PRKCH: variants seen among roughly 807,000 people sequenced by gnomAD.
PRKCH encodes the protein protein kinase C eta, also known as protein kinase C eta type.
PRKCH carries 28 observed loss-of-function variants against 82.5 expected under a neutral mutation model. The ratio of observed to expected loss-of-function variants is 0.34; its 90% CI spans 0.25 to 0.47. The LOEUF (loss-of-function observed/expected upper bound fraction) is 0.47. Ranked by LOEUF, PRKCH falls within the 20% of genes least tolerant of loss-of-function variation. The pLI, the probability that PRKCH is intolerant of heterozygous loss-of-function variation, is 1.00. For synonymous variants in PRKCH, 322 were observed against 327.4 expected (o/e 0.98, Z 0.18); for missense variants, 705 against 881.8 (o/e 0.80, Z 2.54).
At chr14:61,477,436 G>A (rs1441689278) in intron 9 of PRKCH, among the ~76,000 whole-genome samples, 2 of 152,174 alleles carry the variant, frequency 1.3e-5, no homozygotes, top group African/African-American at 2.4e-5. Flanking sequence ...TTCAAATGCA[G>A]TCTTTAAATC....
At chr14:61,495,359 T>A (rs917078637) in intron 10 of PRKCH, among the ~76,000 whole-genome samples, 1 of 152,240 alleles carries the variant, frequency 6.6e-6, no homozygotes, top group Non-Finnish European at 1.5e-5. Flanking sequence ...AATGTGTTAG[T>A]GGCTTTCACC....
chr14:61,376,499 C>A (rs2046429931), intron 1 of PRKCH, among the ~76,000 whole-genome samples: 1 of 152,098 alleles, frequency 6.6e-6, no homozygotes, highest in Non-Finnish European at 1.5e-5. Flanking sequence ...ACCAACTGAC[C>A]CTCTAGATTG....
At chr14:61,357,013 C>T (rs563335912) in intron 1 of PRKCH, among the ~76,000 whole-genome samples, 1 of 152,282 alleles carries the variant, frequency 6.6e-6, no homozygotes, top group South Asian at 2.1e-4. Context: ...TGGCTAGAAC[C>T]CTCCCAAGAG....
chr14:61,524,246 T>A (rs888175080), intron 10 of PRKCH, among the ~76,000 whole-genome samples: 2 of 152,372 alleles, frequency 1.3e-5, no homozygotes. Context: ...CTCCTTTGTC[T>A]TCAATCACTT....
rs1010479442 is a variant in PRKCH at position 61,456,369 on chromosome 14, A to G, written c.961-807A>G. Among the ~76,000 whole-genome samples, 29 of 152,342 alleles carry G rather than the reference A, an allele frequency of 1.9e-4. 3 individuals carry two copies. Among genetic ancestry groups the G allele is most frequent in the East Asian group, 9.6e-4 (5 of 5,186 alleles). On this transcript the variant is annotated intron_variant, in intron 7 of 13. Coordinates refer to ENST00000332981, the MANE Select transcript of PRKCH (RefSeq NM_006255.5). ...CACTCCAGTGTTATTCACTGTGGTGAAAAAGGGGAGATGCCTCATCCTTCT... is the reference window on the plus strand; with the variant it reads ...CACTCCAGTGTTATTCACTGTGGTGGAAAAGGGGAGATGCCTCATCCTTCT...
intron 2 of PRKCH, among the ~76,000 whole-genome samples, chr14:61,441,272 C>T (rs1883956395): frequency 1.3e-5 from 2 of 152,110 alleles, no homozygotes; most frequent in Admixed American, 6.5e-5. Flanking sequence ...TTACCTGATT[C>T]AGTCCTTGGG....
At chr14:61,416,579 G>A (rs145614579) in intron 2 of PRKCH, among the ~76,000 whole-genome samples, 5 of 152,072 alleles carry the variant, frequency 3.3e-5, no homozygotes, top group Admixed American at 2.6e-4. Context: ...GCTGCTGGGC[G>A]TGAAGAAGAT....
At chr14:61,365,942 G>A (rs1044109599) in intron 1 of PRKCH, among the ~76,000 whole-genome samples, 1 of 152,092 alleles carries the variant, frequency 6.6e-6, no homozygotes, top group African/African-American at 2.4e-5. Context: ...TAAAGGAAGG[G>A]TGTAAAGACT....
chr14:61,253,977 T>TCCTCCCTCCCTC (rs547034638), intron 1 of PRKCH, among the ~76,000 whole-genome samples: 3 of 74,094 alleles, frequency 4.0e-5, no homozygotes, highest in Non-Finnish European at 8.5e-5. Flanking sequence ...CCTCCCTCCC[T>TCCTCCCTCCCTC]CCTCCCTCCC....
At chr14:61,480,502 T>C (rs774449180) in intron 9 of PRKCH, among the ~76,000 whole-genome samples, 22 of 152,346 alleles carry the variant, frequency 1.4e-4, no homozygotes, top group Non-Finnish European at 3.1e-4. Context: ...TCACTAAATA[T>C]GAGAAGTTTT....
chr14:61,210,092 CAAAA>C (rs1566781591), intron 1 of PRKCH, among the ~76,000 whole-genome samples: 2 of 67,720 alleles, frequency 3.0e-5, no homozygotes, highest in Non-Finnish European at 3.1e-5. Context: ...AAACAAAAAA[CAAAA>C]CAAACAAACA....
chr14:61,292,500 T>A (rs1301200063), intron 1 of PRKCH, among the ~76,000 whole-genome samples: 1 of 150,200 alleles, frequency 6.7e-6, no homozygotes, highest in African/African-American at 2.5e-5. Flanking sequence ...ACAAGCTGGG[T>A]GCAGTGGCTC....
intron 1 of PRKCH, among the ~76,000 whole-genome samples, chr14:61,357,470 A>T (rs1253476640): frequency 2.0e-5 from 3 of 152,082 alleles, no homozygotes; most frequent in Non-Finnish European, 4.4e-5. Flanking sequence ...TTGCTCTGTT[A>T]GTCATTGTCC....
intron 1 of PRKCH, among the ~76,000 whole-genome samples, chr14:61,244,224 C>T (rs977022290): frequency 2.0e-5 from 3 of 152,020 alleles, no homozygotes; most frequent in East Asian, 1.9e-4. Context: ...AGACCAGCTG[C>T]GGTCAAAATA....
At position 61,230,770 on chromosome 14, in the gene PRKCH, G is replaced by A. The variant is rs563580565; in HGVS notation, c.-19+43102G>A. 1.8e-4 allele frequency among the ~76,000 whole-genome samples: 27 copies of A among 152,264 alleles called. No individual in the cohort carries two copies. In the South Asian group the frequency reaches 3.7e-3, roughly 21 times the overall value. On this transcript the variant is annotated intron_variant, in intron 1 of 3. Transcript: ENST00000555185. ...GCCAATCCCTGCCCTCACTAAGAAG[G>A]CCCCCTTCTAATTCAGAACTCTGCC...
intron 2 of PRKCH, among the ~76,000 whole-genome samples, chr14:61,429,791 A>C (rs1205976316): frequency 6.6e-6 from 1 of 152,132 alleles, no homozygotes; most frequent in African/African-American, 2.4e-5. Flanking sequence ...AAATATTAAA[A>C]TTTAACTAGT....
chr14:61,485,928 A>ATTTTTAT (rs1566908455), intron 10 of PRKCH, among the ~76,000 whole-genome samples: 2 of 152,172 alleles, frequency 1.3e-5, no homozygotes, highest in African/African-American at 4.8e-5. Flanking sequence ...CACATGGCTA[A>ATTTTTAT]TTTTTATTTT....
intron 10 of PRKCH, among the ~76,000 whole-genome samples, chr14:61,501,062 T>C (rs765328588): frequency 2.0e-5 from 3 of 152,310 alleles, no homozygotes; most frequent in East Asian, 3.9e-4. Flanking sequence ...TTCTGTGATA[T>C]TGTACCAACT....
chr14:61,281,041 A>C, intron 1 of PRKCH: 1 of 1,529,172 alleles, frequency 6.5e-7, no homozygotes, highest in Non-Finnish European at 8.8e-7. Context: ...GAAGAGCGGC[A>C]GCGCGATGCT....
Sources: allele counts gnomAD v4.1 joint callset (sites outside exome capture counted in the v4.1 genomes callset), GRCh38; gene constraint gnomAD v4.1.1; transcripts MANE v1.5; gene names NCBI Gene and HGNC (gene_info 2026-07-23, HGNC 2026-07-21).